Variants in LOXHD1 observed in about 807,000 individuals in gnomAD.
LOXHD1 encodes the protein lipoxygenase homology PLAT domains 1.
In LOXHD1, 205 loss-of-function variants were observed where a neutral mutation model predicts 248.2. The ratio of observed to expected loss-of-function variants is 0.83; its 90% CI spans 0.74 to 0.93. The LOEUF (loss-of-function observed/expected upper bound fraction) is 0.93. LOXHD1 is among the 40% of genes least tolerant of loss of function. The pLI is 0.00. For missense variants in LOXHD1, 2,930 were observed against 2,971.6 expected, an observed-to-expected ratio of 0.99 and a Z score of 0.33; for synonymous variants, 1,113 against 1,162.8, an observed-to-expected ratio of 0.96 and a Z score of 0.87.
At chr18:46,587,484 A>G (rs1017561303) in intron 12 of LOXHD1, among the ~76,000 whole-genome samples, 2 of 152,194 alleles carry the variant, frequency 1.3e-5, no homozygotes, top group Non-Finnish European at 2.9e-5. Context: ...CTTTGGTTGG[A>G]AGTTCTCAAG....
At chr18:46,501,049 A>C (rs916535789) in intron 37 of LOXHD1, among the ~76,000 whole-genome samples, 2 of 152,178 alleles carry the variant, frequency 1.3e-5, no homozygotes, top group African/African-American at 4.8e-5. Flanking sequence ...GATGACAGGA[A>C]TCTTGTCTGC....
At chr18:46,494,428 A>T (rs2033698226) in intron 37 of LOXHD1, among the ~76,000 whole-genome samples, 1 of 152,202 alleles carries the variant, frequency 6.6e-6, no homozygotes. Flanking sequence ...TCTTGACAAT[A>T]ATCTTTGGCA....
intron 14 of LOXHD1, among the ~76,000 whole-genome samples, chr18:46,577,432 A>T (rs2037878830): frequency 6.6e-6 from 1 of 152,232 alleles, no homozygotes. Context: ...GCCAAATTTT[A>T]TCATGAACAA....
chr18:46,531,596 C>T (rs2036073283), intron 28 of LOXHD1, among the ~76,000 whole-genome samples: 1 of 152,224 alleles, frequency 6.6e-6, no homozygotes, highest in Non-Finnish European at 1.5e-5. Context: ...TTTCTCCAGT[C>T]CTCTGGGAAT....
chr18:46,538,388 A>G, intron 25 of LOXHD1, 51 bp from the exon 26 acceptor site: 1 of 1,511,758 alleles, frequency 6.6e-7, no homozygotes, highest in African/African-American at 1.4e-5. Context: ...AGAACAGAAA[A>G]CAAACATGGT....
intron 29 of LOXHD1, among the ~76,000 whole-genome samples, 190 bp downstream of exon 29, chr18:46,528,987 G>C (rs986295098): frequency 4.6e-5 from 7 of 152,038 alleles, no homozygotes; most frequent in Admixed American, 4.6e-4. Flanking sequence ...CAGGATCCAG[G>C]GTGGGTGCAT....
intron 1 of LOXHD1, among the ~76,000 whole-genome samples, chr18:46,650,335 G>C (rs1249820875): frequency 6.6e-6 from 1 of 152,202 alleles, no homozygotes; most frequent in Non-Finnish European, 1.5e-5. Context: ...ACAATGTGGA[G>C]AGTCAGCAAA....
chr18:46,524,747 C>T lies in LOXHD1; in HGVS notation c.4701G>A (p.Lys1567=), dbSNP rs2035745731. Residue 1567 remains lysine (K), a synonymous_variant, in exon 30 of 41, where the codon AAG becomes AAA. Transcript: ENST00000642948. ...GCCTCTCGAGTCGCCCATCCTCCTT[C>T]TTCAGGGAGAGCCAGCGCCCGCATA... ...LFLCGRWLSL[K]KEDGRLERLF... 6.4e-7 allele frequency: 1 copy of T among 1,551,652 alleles called. No individual in the cohort carries two copies. Among genetic ancestry groups the T allele is most frequent in the Admixed American group, 2.0e-5 (1 of 50,996 alleles).
intron 37 of LOXHD1, among the ~76,000 whole-genome samples, chr18:46,493,915 T>C (rs2033662046): frequency 6.6e-6 from 1 of 152,182 alleles, no homozygotes; most frequent in Non-Finnish European, 1.5e-5. Context: ...CTCACCTCAA[T>C]AAGGAAGAGC....
At chr18:46,557,800 G>T in intron 20 of LOXHD1, 2 of 1,204,168 alleles carry the variant, frequency 1.7e-6, no homozygotes, top group Non-Finnish European at 2.2e-6. Context: ...CCACATCTGT[G>T]GTGGGTGTTT....
At chr18:46,637,717 C>T (rs1029653707) in intron 4 of LOXHD1, among the ~76,000 whole-genome samples, 3 of 151,954 alleles carry the variant, frequency 2.0e-5, no homozygotes, top group Admixed American at 1.3e-4. Flanking sequence ...ATCAAAAATC[C>T]CCTTTAATTA....
chr18:46,554,663 G>T (rs1320666894), intron 21 of LOXHD1, among the ~76,000 whole-genome samples: 1 of 151,880 alleles, frequency 6.6e-6, no homozygotes, highest in East Asian at 1.9e-4. Context: ...GGGAAGAGGA[G>T]ATGAGGGAAG....
intron 18 of LOXHD1, among the ~76,000 whole-genome samples, chr18:46,561,143 CTGAGCACA>C (rs374721462): frequency 3.3e-4 from 51 of 152,346 alleles, no homozygotes; most frequent in African/African-American, 1.2e-3. Flanking sequence ...TCCCCCAACC[CTGAGCACA>C]TGGCCTCAGC....
chr18:46,560,884 C>T (rs1037778363), intron 18 of LOXHD1, among the ~76,000 whole-genome samples: 2 of 152,122 alleles, frequency 1.3e-5, no homozygotes, highest in Non-Finnish European at 2.9e-5. Flanking sequence ...CCTATGATTT[C>T]TGTCCCTATC....
chr18:46,602,900 GCTCTT>G (rs2038360011), intron 7 of LOXHD1, among the ~76,000 whole-genome samples: 1 of 152,140 alleles, frequency 6.6e-6, no homozygotes, highest in South Asian at 2.1e-4. Context: ...TATCATTTCT[GCTCTT>G]CTTCTACCAC....
intron 2 of LOXHD1, 26 bp from the exon 3 acceptor site, chr18:46,642,062 C>CCTG: frequency 6.5e-7 from 1 of 1,548,424 alleles, no homozygotes; most frequent in East Asian, 2.4e-5. Context: ...GCAGTTAGTG[C>CCTG]AGATCAGCTG....
chr18:46,548,008 G>A (rs1339334794), intron 21 of LOXHD1, among the ~76,000 whole-genome samples: 1 of 152,176 alleles, frequency 6.6e-6, no homozygotes. Flanking sequence ...AGGATTACAT[G>A]TGTTAACTTT....
chr18:46,576,168 G>T (rs1445019563), intron 14 of LOXHD1, among the ~76,000 whole-genome samples: 1 of 152,232 alleles, frequency 6.6e-6, no homozygotes, highest in African/African-American at 2.4e-5. Flanking sequence ...AACTCCATGA[G>T]GACAGGGAGT....
intron 37 of LOXHD1, among the ~76,000 whole-genome samples, chr18:46,494,604 G>A (rs1468156713): frequency 1.3e-5 from 2 of 152,084 alleles, no homozygotes; most frequent in South Asian, 2.1e-4. Flanking sequence ...AGGCCACCCA[G>A]AGCAACACTC....
Sources: allele counts gnomAD v4.1 joint callset (sites outside exome capture counted in the v4.1 genomes callset), GRCh38; gene constraint gnomAD v4.1.1; transcripts MANE v1.5; gene names NCBI Gene and HGNC (gene_info 2026-07-23, HGNC 2026-07-21).